FAM120A: variants seen among roughly 807,000 people sequenced by gnomAD.
FAM120A encodes the protein family with sequence similarity 120 member A.
A neutral mutation model predicts 109.7 loss-of-function variants in FAM120A; 15 were observed. The ratio of observed to expected loss-of-function variants is 0.14; its 90% confidence interval spans 0.09 to 0.21. The LOEUF (loss-of-function observed/expected upper bound fraction) is 0.21. Among genes scored for constraint, FAM120A ranks in the 10% least tolerant of loss-of-function variants. The probability of loss-of-function intolerance (pLI) is 1.00; values close to 1 mark genes in which losing one functional copy is unlikely to be tolerated. For missense variants in FAM120A, 899 were observed against 1,439.3 expected, an observed-to-expected ratio of 0.62 and a Z score of 6.07; for synonymous variants, 493 against 572.8, an observed-to-expected ratio of 0.86 and a Z score of 1.99.
intron 1 of FAM120A, among the ~76,000 whole-genome samples, chr9:93,469,073 T>C (rs923649503): frequency 2.0e-5 from 3 of 152,224 alleles, no homozygotes; most frequent in African/African-American, 7.2e-5. Context: ...TGGATACTCT[T>C]CCTTGGAGGT....
chr9:93,506,763 A>C (rs1860080212), intron 5 of FAM120A, among the ~76,000 whole-genome samples: 1 of 151,876 alleles, frequency 6.6e-6, no homozygotes, highest in Admixed American at 6.6e-5. Flanking sequence ...ATGCCCGGCT[A>C]ATTTTTGTAT....
At chr9:93,540,178 T>G (rs1324004997) in intron 10 of FAM120A, among the ~76,000 whole-genome samples, 1 of 152,204 alleles carries the variant, frequency 6.6e-6, no homozygotes, top group Non-Finnish European at 1.5e-5. Flanking sequence ...GCAGATTGCC[T>G]GCTTCCCTCT....
intron 10 of FAM120A, among the ~76,000 whole-genome samples, chr9:93,535,049 A>G (rs1402637651): frequency 2.6e-5 from 4 of 152,226 alleles, no homozygotes; most frequent in African/African-American, 9.6e-5. Flanking sequence ...AAAGGATTTC[A>G]TAAACATTTA....
intron 10 of FAM120A, among the ~76,000 whole-genome samples, chr9:93,542,588 A>G (rs1184039027): frequency 1.3e-5 from 2 of 152,240 alleles, no homozygotes; most frequent in Non-Finnish European, 2.9e-5. Context: ...GGATAACTTT[A>G]CACTCTGTCT....
intron 3 of FAM120A, among the ~76,000 whole-genome samples, chr9:93,483,135 T>G (rs1327982075): frequency 6.6e-6 from 1 of 152,248 alleles, no homozygotes; most frequent in East Asian, 1.9e-4. Flanking sequence ...GACTTTCACC[T>G]ATATTGTCAT....
chr9:93,476,594 C>T (rs1385675518), intron 3 of FAM120A, among the ~76,000 whole-genome samples: 3 of 152,050 alleles, frequency 2.0e-5, no homozygotes. Context: ...TGCTGTGTAC[C>T]TAGATAGAAG....
chr9:93,540,486 CT>C (rs1354890724), intron 10 of FAM120A, among the ~76,000 whole-genome samples: 2 of 152,232 alleles, frequency 1.3e-5, no homozygotes, highest in East Asian at 3.9e-4. Context: ...TGTCGACAGG[CT>C]TACCCAGGAC....
At chr9:93,477,963 T>C (rs1858619030) in intron 3 of FAM120A, among the ~76,000 whole-genome samples, 1 of 152,224 alleles carries the variant, frequency 6.6e-6, no homozygotes, top group African/African-American at 2.4e-5. Context: ...TCAACAATTA[T>C]AAACATTTTG....
chr9:93,518,636 C>T (rs376197181), intron 7 of FAM120A, among the ~76,000 whole-genome samples: 5 of 152,132 alleles, frequency 3.3e-5, no homozygotes, highest in East Asian at 3.9e-4. Flanking sequence ...AAGCAGTGAA[C>T]ATAGAAGCCC....
In FAM120A at chr9:93,558,613, A is replaced by C. The variant is rs1239619538; in HGVS notation, c.2701A>C (p.Thr901Pro). 6.2e-7 allele frequency: 1 copy of C among 1,614,178 alleles called. No individual in the cohort carries two copies. ...TGGCTTTGGAGGCCCCTATGGGGAAACGGTAGCAACAGGCCCTTACCGTGC... is the reference window on the plus strand; with the variant it reads ...TGGCTTTGGAGGCCCCTATGGGGAACCGGTAGCAACAGGCCCTTACCGTGC... ...VCGFGGPYGE[T>P]VATGPYRAFR... The change falls in exon 15 of 18, where the codon ACG becomes CCG. Residue 901 changes from threonine (T) to proline (P), a missense_variant. Physicochemically the swap from Thr to Pro is conservative, Grantham distance 38. Around this residue, in one of 11 missense-constraint regions of FAM120A, gnomAD observed 129 missense variants for 153.4 expected, o/e 0.84. Coordinates refer to ENST00000277165, the MANE Select transcript of FAM120A (RefSeq NM_014612.5).
At chr9:93,557,739 TGATA>T (rs1862336390) in intron 13 of FAM120A, 84 bp from the exon 14 acceptor site, 1 of 1,303,252 alleles carries the variant, frequency 7.7e-7, no homozygotes, top group African/African-American at 1.5e-5. Context: ...ACTGTATAGT[TGATA>T]GATCTTATTT....
At chr9:93,543,116 G>A in intron 10 of FAM120A, 106 bp from the exon 11 acceptor site, 3 of 1,397,074 alleles carry the variant, frequency 2.1e-6, no homozygotes, top group Admixed American at 2.1e-5. Flanking sequence ...ATTGTTACCT[G>A]AGAGGCGAAT....
At chr9:93,554,763 G>T (rs960680435) in intron 12 of FAM120A, among the ~76,000 whole-genome samples, 4 of 152,210 alleles carry the variant, frequency 2.6e-5, no homozygotes, top group African/African-American at 9.7e-5. Context: ...CATTTGGATA[G>T]CCAGGCAAAC....
chr9:93,484,820 C>T (rs536975443), intron 3 of FAM120A, among the ~76,000 whole-genome samples: 110 of 152,278 alleles, frequency 7.2e-4, no homozygotes, highest in Non-Finnish European at 8.2e-4. Flanking sequence ...GTGATCCACC[C>T]GCCTCGGCCT....
intron 10 of FAM120A, among the ~76,000 whole-genome samples, chr9:93,539,235 G>C (rs143381998): frequency 3.2e-4 from 48 of 152,164 alleles, no homozygotes; most frequent in African/African-American, 1.1e-3. Context: ...CTGACCTCGT[G>C]ATCCGCCCAC....
chr9:93,451,895 G>GCCCGCGCC lies in FAM120A; in HGVS notation c.-15_-8dup. 8.3e-7 allele frequency: 1 copy of GCCCGCGCC among 1,206,560 alleles called. No individual in the cohort carries two copies. Among genetic ancestry groups the GCCCGCGCC allele is most frequent in the East Asian group, 3.5e-5 (1 of 28,456 alleles). 74.7% of individuals were successfully genotyped at this position (1,206,560 alleles called of 1,614,324 possible). A position where few individuals can be genotyped will look rare whatever the true frequency, so the allele number is the denominator to read the frequency against. Reference sequence around the variant, plus strand: ...CCCGCCGCCCCCCGCCCGCACCCGCGCCCGCGCCCCCGCCGCCGCCATGGG... The same window carrying GCCCGCGCC: ...CCCGCCGCCCCCCGCCCGCACCCGCGCCCGCGCCCCCGCGCCCCCGCCGCCGCCATGGG... On this transcript the variant is annotated 5_prime_UTR_variant, in exon 1 of 18. Transcript: ENST00000277165.
At chr9:93,541,432 T>G (rs1000192783) in intron 10 of FAM120A, among the ~76,000 whole-genome samples, 1 of 151,960 alleles carries the variant, frequency 6.6e-6, no homozygotes, top group Non-Finnish European at 1.5e-5. Flanking sequence ...AGGATCGGGG[T>G]GGGGGCAGTG....
intron 1 of FAM120A, among the ~76,000 whole-genome samples, chr9:93,465,975 G>C (rs562950480): frequency 1.3e-5 from 2 of 152,262 alleles, no homozygotes; most frequent in South Asian, 4.1e-4. Context: ...GTGTGTTTGG[G>C]AAAAGAATAG....
chr9:93,502,300 G>T (rs958591194), intron 5 of FAM120A, among the ~76,000 whole-genome samples: 3 of 152,140 alleles, frequency 2.0e-5, no homozygotes, highest in African/African-American at 7.2e-5. Context: ...GGGGTGAGTT[G>T]ATCTAACCAG....
Sources: allele counts gnomAD v4.1 joint callset (sites outside exome capture counted in the v4.1 genomes callset), GRCh38; gene constraint gnomAD v4.1.1; regional missense constraint gnomAD v4.1.1; transcripts MANE v1.5; gene names NCBI Gene and HGNC (gene_info 2026-07-23, HGNC 2026-07-21).